Variants in EDA observed in about 807,000 individuals in gnomAD.
EDA encodes ectodysplasin A.
In EDA, 2 loss-of-function variants were observed where a neutral mutation model predicts 23.6. That is an observed-to-expected ratio of 0.08 (90% CI 0.03 to 0.27). The LOEUF is 0.27. Ranked by LOEUF, EDA falls within the 10% of genes least tolerant of loss-of-function variation. The probability of loss-of-function intolerance (pLI) is 1.00; values close to 1 mark genes in which losing one functional copy is unlikely to be tolerated. For synonymous variants in EDA, 131 were observed against 132.0 expected (o/e 0.99, Z 0.05); for missense variants, 229 against 324.2 (o/e 0.71, Z 2.26).
At chrX:69,742,456 A>G (rs1447205778) in intron 1 of EDA, among the ~76,000 whole-genome samples, 2 of 112,158 alleles carry the variant, frequency 1.8e-5, no homozygotes. Context: ...ACAGACTGAC[A>G]TTGCTGTTAC....
chrX:69,812,133 T>A (rs1425180204), intron 1 of EDA, among the ~76,000 whole-genome samples: 1 of 112,456 alleles, frequency 8.9e-6, no homozygotes, highest in Admixed American at 9.4e-5. Context: ...CAGTTTCTTT[T>A]AAAAAGCTAC....
intron 1 of EDA, among the ~76,000 whole-genome samples, chrX:69,790,124 T>C (rs1027288401): frequency 9.0e-6 from 1 of 111,688 alleles, no homozygotes; most frequent in Non-Finnish European, 1.9e-5. Context: ...CCATACTGTT[T>C]GGTGAATGAA....
At chrX:69,730,432 G>T (rs2012978840) in intron 1 of EDA, among the ~76,000 whole-genome samples, 1 of 112,010 alleles carries the variant, frequency 8.9e-6, no homozygotes, top group South Asian at 3.7e-4. Flanking sequence ...TACCAAGACA[G>T]GGATGTAAGT....
intron 5 of EDA, 55 bp from the exon 6 acceptor site, chrX:70,030,414 T>G: frequency 9.3e-7 from 1 of 1,071,640 alleles, no homozygotes; most frequent in Non-Finnish European, 1.3e-6. Flanking sequence ...GACTGGTGGC[T>G]GAGCAAGCAG....
chrX:70,025,208 G>A (rs753924767), intron 3 of EDA, among the ~76,000 whole-genome samples: 6 of 110,782 alleles, frequency 5.4e-5, no homozygotes, highest in Non-Finnish European at 3.8e-5. Flanking sequence ...TTAGTCTCTT[G>A]GACTGGAGGA....
intron 1 of EDA, among the ~76,000 whole-genome samples, chrX:69,814,756 C>A (rs1417580311): frequency 9.0e-6 from 1 of 111,707 alleles, no homozygotes; most frequent in Non-Finnish European, 1.9e-5. Flanking sequence ...CCAAAGGAAC[C>A]CCCATCCCCA....
chrX:69,966,489 G>T (rs768467172), intron 2 of EDA, among the ~76,000 whole-genome samples: 2 of 107,902 alleles, frequency 1.9e-5, no homozygotes, highest in South Asian at 8.4e-4. Flanking sequence ...TGAGGCAGGA[G>T]AATTGCTTGT....
intron 2 of EDA, among the ~76,000 whole-genome samples, chrX:69,982,729 T>G (rs2019430866): frequency 9.8e-6 from 1 of 101,873 alleles, no homozygotes; most frequent in Non-Finnish European, 2.0e-5. Flanking sequence ...AAAATGTATA[T>G]TCTGTTGATT....
rs189011056 is a variant in EDA, at chrX:69,982,670, C to T, written c.502+25538C>T. 1.7e-4 allele frequency among the ~76,000 whole-genome samples: 18 copies of T among 108,742 alleles called. No homozygotes were observed. The East Asian group carries it at 4.7e-3, about 29-fold the overall frequency. The allele number at this position is 108,742 out of a possible 115,157, so 94.4% of individuals were successfully genotyped here. Reference sequence around the variant, plus strand: ...TTTACATTTGCTGAGGAGAGCTTTACTTCCAACTATGTGGTCAATTTTGGA... The same window carrying T: ...TTTACATTTGCTGAGGAGAGCTTTATTTCCAACTATGTGGTCAATTTTGGA... On this transcript the variant is annotated intron_variant, in intron 2 of 7. Coordinates refer to ENST00000374552, the MANE Select transcript of EDA (RefSeq NM_001399.5).
At chrX:69,815,262 C>T (rs949009351) in intron 1 of EDA, among the ~76,000 whole-genome samples, 9 of 112,024 alleles carry the variant, frequency 8.0e-5, no homozygotes, top group Admixed American at 2.8e-4. Context: ...GAGAGGTCCC[C>T]CACAACACAG....
At chrX:69,843,014 T>C (rs997136646) in intron 1 of EDA, among the ~76,000 whole-genome samples, 10 of 111,950 alleles carry the variant, frequency 8.9e-5, no homozygotes, top group Non-Finnish European at 1.9e-4. Context: ...CAGTCTCAGG[T>C]ATTTCTTTAT....
chrX:69,893,387 T>G lies in EDA; in HGVS notation c.397-63640T>G, dbSNP rs1362371628. 3.6e-5 allele frequency among the ~76,000 whole-genome samples: 4 copies of G among 111,920 alleles called. No homozygotes were observed. The East Asian group carries it at 8.4e-4, about 24-fold the overall frequency. ...ACAGGTTCCAAGTTAGGACATGAACTTATCTTTTTGAGACCACTATTTAAC... is the reference window on the plus strand; with the variant it reads ...ACAGGTTCCAAGTTAGGACATGAACGTATCTTTTTGAGACCACTATTTAAC... On this transcript the variant is annotated intron_variant, in intron 1 of 7. Coordinates refer to ENST00000374552, the MANE Select transcript of EDA (RefSeq NM_001399.5).
intron 2 of EDA, among the ~76,000 whole-genome samples, chrX:69,969,437 T>G (rs752512333): frequency 4.4e-5 from 5 of 112,391 alleles, no homozygotes; most frequent in African/African-American, 1.3e-4. Flanking sequence ...TTCATCTCTT[T>G]AAAAAATAAA....
chrX:69,769,689 G>A (rs771483369), intron 1 of EDA, among the ~76,000 whole-genome samples: 1 of 110,923 alleles, frequency 9.0e-6, no homozygotes, highest in Non-Finnish European at 1.9e-5. Context: ...TAGTATGTTA[G>A]GGGTTGCTTT....
chrX:69,667,185 T>C (rs1428542670), intron 1 of EDA, among the ~76,000 whole-genome samples: 2 of 106,181 alleles, frequency 1.9e-5, no homozygotes, highest in East Asian at 6.0e-4. Context: ...TGGTGCGATC[T>C]TGGCTCAAGC....
intron 1 of EDA, among the ~76,000 whole-genome samples, chrX:69,633,869 G>T (rs939917962): frequency 1.1e-4 from 12 of 112,104 alleles, no homozygotes; most frequent in Non-Finnish European, 2.1e-4. Flanking sequence ...TTCATTTGGG[G>T]TATATACCTA....
chrX:69,632,660 C>A (rs143124545), intron 1 of EDA, among the ~76,000 whole-genome samples: 301 of 112,168 alleles, frequency 2.7e-3, no homozygotes, highest in African/African-American at 9.3e-3. Context: ...ATTCCTACTT[C>A]ACTGAAAACA....
intron 1 of EDA, among the ~76,000 whole-genome samples, chrX:69,763,012 A>G (rs892857307): frequency 6.2e-5 from 7 of 112,386 alleles, no homozygotes; most frequent in Non-Finnish European, 1.1e-4. Flanking sequence ...TTAAAAATAC[A>G]GTGGTGATAT....
intron 1 of EDA, among the ~76,000 whole-genome samples, chrX:69,708,709 A>G (rs5936736): frequency 0.15 from 16,949 of 110,853 alleles, 1,052 homozygotes; most frequent in Non-Finnish European, 0.19. Flanking sequence ...AAGAAAACAA[A>G]GTTCCTGTTA....
Sources: gnomAD v4.1 joint callset for allele counts (sites outside exome capture counted in the v4.1 genomes callset) on GRCh38, gnomAD v4.1.1 for gene constraint, MANE v1.5 for transcripts, NCBI Gene and HGNC (gene_info 2026-07-23, HGNC 2026-07-21) for gene names.